Variants in MALRD1 observed in about 807,000 individuals in gnomAD.
The protein encoded by MALRD1 is MAM and LDL receptor class A domain containing 1, also known as MAM and LDL-receptor class A domain-containing protein 1.
A neutral mutation model predicts 242.1 loss-of-function variants in MALRD1; 247 were observed. That is an observed-to-expected ratio of 1.02 (90% confidence interval 0.92 to 1.13). The LOEUF is 1.13. Among genes scored for constraint, MALRD1 ranks in the 50% most tolerant of loss-of-function variants. MALRD1 has a pLI of 0.00. For missense variants in MALRD1, 2,989 were observed against 2,533.1 expected, an observed-to-expected ratio of 1.18 and a Z score of -3.86; for synonymous variants, 995 against 866.6, an observed-to-expected ratio of 1.15 and a Z score of -2.60.
chr10:19,206,418 C>G (rs1836786709), intron 17 of MALRD1, among the ~76,000 whole-genome samples: 1 of 152,074 alleles, frequency 6.6e-6, no homozygotes, highest in Non-Finnish European at 1.5e-5. Context: ...GTAACTTTTC[C>G]TAAGGCCAAT....
intron 36 of MALRD1, among the ~76,000 whole-genome samples, chr10:19,688,860 G>T (rs1323362425): frequency 6.6e-6 from 1 of 152,164 alleles, no homozygotes; most frequent in African/African-American, 2.4e-5. Context: ...TTGAACACTG[G>T]ATATTCCATG....
intron 21 of MALRD1, among the ~76,000 whole-genome samples, chr10:19,315,154 G>GAAATATGTAAATATAATTTATAT (rs1554830926): frequency 0.06 from 6,745 of 112,550 alleles, 540 homozygotes; most frequent in African/African-American, 0.13. Flanking sequence ...ATAATTTATA[G>GAAATATGTAAATATAATTTATAT]AAATATGTAA....
At chr10:19,565,448 A>G (rs1008296190) in intron 32 of MALRD1, among the ~76,000 whole-genome samples, 7 of 152,348 alleles carry the variant, frequency 4.6e-5, no homozygotes, top group Non-Finnish European at 8.8e-5. Context: ...GGAAGAAATT[A>G]CAAAATAAAT....
At chr10:19,205,645 C>T (rs1229134874) in intron 17 of MALRD1, among the ~76,000 whole-genome samples, 1 of 151,962 alleles carries the variant, frequency 6.6e-6, no homozygotes, top group African/African-American at 2.4e-5. Context: ...GACATTGGGA[C>T]TTAGATCAGA....
intron 31 of MALRD1, among the ~76,000 whole-genome samples, chr10:19,500,732 A>G (rs1244906161): frequency 2.0e-5 from 3 of 152,226 alleles, no homozygotes; most frequent in Admixed American, 6.5e-5. Flanking sequence ...AATGACTTAT[A>G]TGAGGATATT....
intron 5 of MALRD1, among the ~76,000 whole-genome samples, chr10:19,105,687 C>T (rs1836438300): frequency 6.6e-6 from 1 of 151,966 alleles, no homozygotes; most frequent in African/African-American, 2.4e-5. Context: ...TCCGAACCAG[C>T]ATTTATTAAC....
At chr10:19,183,115 GTTTTTTT>G (rs71387051) in intron 14 of MALRD1, among the ~76,000 whole-genome samples, 4 of 137,896 alleles carry the variant, frequency 2.9e-5, no homozygotes, top group East Asian at 2.2e-4. Context: ...TATTTTGAGG[GTTTTTTT>G]TTTTTTTTTG....
At position 19,209,532 on chromosome 10, in the gene MALRD1, A is replaced by G. The variant is rs1291681637; in HGVS notation, c.2843A>G (p.His948Arg). 3.9e-6 allele frequency: 6 copies of G among 1,550,720 alleles called. No individual in the cohort carries two copies. The highest frequency in any genetic ancestry group is 3.5e-6 in the Non-Finnish European group (4 of 1,147,008). Residue 948 changes from histidine (H) to arginine (R), a missense_variant, in exon 18 of 40, where the codon CAC becomes CGC. By Grantham distance (29) the His-to-Arg change is conservative. Coordinates refer to ENST00000454679, the MANE Select transcript of MALRD1 (RefSeq NM_001142308.3). ...GGCTGCACCTTCCGCTTCTATTACC[A>G]CATGTTTGGAAAGCGCATTTATAGG... The part of the protein sequence containing the change: ...TKGCTFRFYY[H>R]MFGKRIYRLA...
chr10:19,435,788 T>C (rs1292278395), intron 28 of MALRD1, among the ~76,000 whole-genome samples: 1 of 152,160 alleles, frequency 6.6e-6, no homozygotes, highest in Non-Finnish European at 1.5e-5. Context: ...AAATCCACTG[T>C]GTGCAGCCCA....
chr10:19,065,115 C>T (rs1409978254), intron 1 of MALRD1, among the ~76,000 whole-genome samples: 1 of 151,198 alleles, frequency 6.6e-6, no homozygotes, highest in East Asian at 2.0e-4. Flanking sequence ...TGGAGAAACC[C>T]CGTCTCTACT....
chr10:19,714,644 C>T (rs1834296446), intron 38 of MALRD1, among the ~76,000 whole-genome samples: 1 of 152,124 alleles, frequency 6.6e-6, no homozygotes, highest in Non-Finnish European at 1.5e-5. Flanking sequence ...ACTTCCCTGT[C>T]CCCCTCCCCG....
chr10:19,569,750 A>C (rs1836432703), intron 33 of MALRD1, among the ~76,000 whole-genome samples: 1 of 147,142 alleles, frequency 6.8e-6, no homozygotes, highest in Non-Finnish European at 1.5e-5. Flanking sequence ...CCATATATAG[A>C]ATTCCATATT....
chr10:19,478,718 C>G (rs1164161893), intron 29 of MALRD1, among the ~76,000 whole-genome samples: 1 of 152,174 alleles, frequency 6.6e-6, no homozygotes, highest in African/African-American at 2.4e-5. Flanking sequence ...CATTTCATCA[C>G]GTACCATGGG....
At chr10:19,694,111 A>G (rs1236028529) in intron 38 of MALRD1, among the ~76,000 whole-genome samples, 1 of 152,172 alleles carries the variant, frequency 6.6e-6, no homozygotes, top group East Asian at 1.9e-4. Context: ...TAGACCTAAA[A>G]CCATAAAAAC....
rs767464092 is a variant in MALRD1 at position 19,327,598 on chromosome 10, G to T, written c.3612G>T (p.Leu1204Phe). Residue 1204 changes from leucine to phenylalanine, a missense_variant, in exon 23 of 40, where the codon TTG becomes TTT. By Grantham distance (22) the Leu-to-Phe change is conservative. Transcript: ENST00000454679. ...AGAAAGATAACGTTACTTCTAAATT[G>T]TGGGCTCAAACTGGACAGCAAGGTG... ...LIKKDNVTSK[L>F]WAQTGQQGAQ... 6 of 1,549,750 alleles carry T rather than the reference G, an allele frequency of 3.9e-6. No individual in the cohort carries two copies. In the African/African-American group the frequency reaches 6.9e-5, roughly 18 times the overall value.
At chr10:19,384,134 C>G (rs757923876) in intron 26 of MALRD1, among the ~76,000 whole-genome samples, 1 of 150,532 alleles carries the variant, frequency 6.6e-6, no homozygotes, top group African/African-American at 2.4e-5. Flanking sequence ...TGTTGAGCAT[C>G]CTTTCATATA....
At chr10:19,579,893 T>A (rs1837021758) in intron 33 of MALRD1, among the ~76,000 whole-genome samples, 1 of 152,208 alleles carries the variant, frequency 6.6e-6, no homozygotes, top group Non-Finnish European at 1.5e-5. Flanking sequence ...ATTTGGGGAA[T>A]GCTTTAGCTA....
chr10:19,647,127 G>A (rs1396693689), intron 36 of MALRD1, among the ~76,000 whole-genome samples: 1 of 152,206 alleles, frequency 6.6e-6, no homozygotes, highest in African/African-American at 2.4e-5. Context: ...GGAGAAATCT[G>A]AGGGTACAGC....
chr10:19,578,384 A>G (rs533871858), intron 33 of MALRD1, among the ~76,000 whole-genome samples: 69 of 152,288 alleles, frequency 4.5e-4, no homozygotes, highest in Non-Finnish European at 1.0e-4. Context: ...CAAAATAGAA[A>G]GCATGGGATT....
Sources: gnomAD v4.1 joint callset for allele counts (sites outside exome capture counted in the v4.1 genomes callset) on GRCh38, gnomAD v4.1.1 for gene constraint, MANE v1.5 for transcripts, NCBI Gene and HGNC (gene_info 2026-07-23, HGNC 2026-07-21) for gene names.